Variants in FHIP1B observed in about 807,000 individuals in gnomAD.
FHIP1B encodes the protein FHF complex subunit HOOK-interacting protein 1B.
Under a neutral mutation model 82.2 loss-of-function variants are expected in FHIP1B, and 28 were observed. The ratio of observed to expected loss-of-function variants is 0.34; its 90% CI spans 0.25 to 0.47. The LOEUF (loss-of-function observed/expected upper bound fraction) is 0.47. Ranked by LOEUF, FHIP1B falls within the 20% of genes least tolerant of loss-of-function variation. FHIP1B has a pLI of 1.00. For synonymous variants in FHIP1B, 585 were observed against 516.1 expected (o/e 1.13, Z -1.81); for missense variants, 1,110 against 1,262.6 (o/e 0.88, Z 1.83).
chr11:6,218,288 T>C (rs1023234935), intron 8 of FHIP1B, 138 bp from the exon 9 acceptor site: 12 of 1,271,118 alleles, frequency 9.4e-6, no homozygotes, highest in Admixed American at 2.8e-5. Context: ...CTCTCCAACC[T>C]CCTAATTAAC....
At chr11:6,220,787 A>G (rs933006619) in intron 6 of FHIP1B, among the ~76,000 whole-genome samples, 2 of 152,242 alleles carry the variant, frequency 1.3e-5, no homozygotes, top group Non-Finnish European at 2.9e-5. Context: ...AAGTTAGGAT[A>G]AGACAAAAGG....
rs1847285456 is a variant in FHIP1B at position 6,217,830 on chromosome 11, T to C, written c.1756A>G (p.Ser586Gly). 1.9e-6 allele frequency: 3 copies of C among 1,613,476 alleles called. 1 individual carries two copies. In the South Asian group the frequency reaches 3.3e-5, roughly 18 times the overall value. ...YDGERPSPEP[S>G]PFGSRTKKRS... ...TTCTTAGTCCGGGAGCCAAAAGGACTGGGCTCAGGAGAGGGCCGCTCGCCA... is the reference window on the plus strand; with the variant it reads ...TTCTTAGTCCGGGAGCCAAAAGGACCGGGCTCAGGAGAGGGCCGCTCGCCA... Residue 586 changes from serine to glycine, a missense_variant, in exon 9 of 12, where the codon AGT (serine) becomes GGT (glycine). By Grantham distance (56) the Ser-to-Gly change is moderately conservative. Around this residue, in one of 6 missense-constraint regions of FHIP1B, gnomAD observed 418 missense variants for 371.4 expected, o/e 1.13. Coordinates refer to ENST00000449352, the MANE Select transcript of FHIP1B (RefSeq NM_001098794.2).
chr11:6,220,194 G>A (rs537116123), intron 6 of FHIP1B, among the ~76,000 whole-genome samples: 1 of 152,246 alleles, frequency 6.6e-6, no homozygotes, highest in South Asian at 2.1e-4. Context: ...ATGGATGAAG[G>A]GGGGCCATGA....
Position 6,217,517 on chromosome 11 carries a change from G to A in FHIP1B, c.2069C>T (p.Thr690Ile), listed in dbSNP as rs1168020663. Reference sequence around the variant, plus strand: ...AGGTTCTAAGGGGGACTCTGAGCCAGTTCCCCCATTGCTCAATGCCACCTC... The same window carrying A: ...AGGTTCTAAGGGGGACTCTGAGCCAATTCCCCCATTGCTCAATGCCACCTC... ...ELEVALSNGG[T>I]GSESPLEPPL... is the part of the protein sequence containing the mutation. Residue 690 changes from threonine to isoleucine, a missense_variant, in exon 9 of 12, where the codon ACT (threonine) becomes ATT (isoleucine). This residue lies in a region of FHIP1B where 418 missense variants were observed against 371.4 expected (regional missense o/e 1.13). Transcript: ENST00000449352. 6.2e-7 allele frequency: 1 copy of A among 1,611,954 alleles called. No homozygotes were observed. The highest frequency in any genetic ancestry group is 8.5e-7 in the Non-Finnish European group (1 of 1,178,680).
At chr11:6,214,158 C>T (rs1458848063) in intron 11 of FHIP1B, among the ~76,000 whole-genome samples, 2 of 151,670 alleles carry the variant, frequency 1.3e-5, no homozygotes, top group Non-Finnish European at 2.9e-5. Flanking sequence ...ATATCGCAAC[C>T]TAGAGACTAC....
At position 6,224,555 on chromosome 11, in the gene FHIP1B, C is replaced by G. The variant is rs761473704; in HGVS notation, c.-39G>C. 1.8e-5 allele frequency: 28 copies of G among 1,556,716 alleles called. No homozygotes were observed. The Middle Eastern group carries it at 1.4e-3, about 75-fold the overall frequency. On this transcript the variant is annotated 5_prime_UTR_variant, in exon 2 of 12. Transcript: ENST00000449352. ...CAGGACTGGCAGCCAGAGGCCTACA[C>G]TCTGAGGATTTGCCAGCTGGAGGTT...
In FHIP1B at chr11:6,223,075, C is replaced by G; in HGVS notation, c.936+5G>C. ...AATGACCAAGGGCCAGACTTTCAGT[C>G]CTACCTGAATTACTGCATTGCAGAA... On this transcript the variant is annotated splice_donor_5th_base_variant and intron_variant, in intron 4 of 11. Transcript: ENST00000449352. This position sits in a 1 kb window ranked among gnomAD's most constrained non-coding sequence, Gnocchi z 4.8. The G allele has an allele frequency of 3.8e-6, 6 of 1,577,730 alleles. No homozygotes were observed. Among genetic ancestry groups the G allele is most frequent in the Non-Finnish European group, 5.2e-6 (6 of 1,163,516 alleles).
Position 6,211,356 on chromosome 11 carries a change from C to T in FHIP1B, c.*150G>A. 8.4e-7 allele frequency: 1 copy of T among 1,194,918 alleles called. No individual in the cohort carries two copies. The highest frequency in any genetic ancestry group is 1.7e-5 in the South Asian group (1 of 59,750). 74.0% of individuals were successfully genotyped at this position (1,194,918 alleles called of 1,614,324 possible). ...AAATGAGCACAGAATAGAGATTTCC[C>T]TTTTATACATATTGCAACAAGTTCT... is the stretch of plus-strand genomic sequence containing the variant. On this transcript the variant is annotated 3_prime_UTR_variant, in exon 12 of 12. Transcript: ENST00000449352.
chr11:6,214,708 A>G, intron 10 of FHIP1B, 25 bp downstream of exon 10: 1 of 1,551,322 alleles, frequency 6.4e-7, no homozygotes, highest in African/African-American at 1.4e-5. Context: ...GCCTGGACGC[A>G]CCCATGCATG....
At chr11:6,219,312 T>G (rs2133808592) in intron 6 of FHIP1B, among the ~76,000 whole-genome samples, 1 of 152,350 alleles carries the variant, frequency 6.6e-6, no homozygotes, top group East Asian at 1.9e-4. Flanking sequence ...TCTCTAGCTA[T>G]ATATACCTGG....
At chr11:6,224,817 C>T in intron 1 of FHIP1B, 110 bp from the exon 2 acceptor site, 1 of 314,058 alleles carries the variant, frequency 3.2e-6, no homozygotes. Context: ...TACACACATA[C>T]ACACAATCAG....
In FHIP1B at chr11:6,218,110, T is replaced by C; in HGVS notation, c.1476A>G (p.Thr492=). The part of the protein sequence containing the change: ...SPSVDSSSVT[T]VPRPSTPSRL... ...GAGATGGTGTGGAGGGCCGGGGTAC[T>C]GTCGTCACAGAAGAGGAGTCCACAC... The change falls in exon 9 of 12, where the codon ACA becomes ACG. Residue 492 remains threonine, a synonymous_variant. Coordinates refer to ENST00000449352, the MANE Select transcript of FHIP1B (RefSeq NM_001098794.2). The C allele has an allele frequency of 6.2e-7, 1 of 1,613,098 alleles. No homozygotes were observed. Among genetic ancestry groups the C allele is most frequent in the Non-Finnish European group, 8.5e-7 (1 of 1,179,416 alleles).
intron 6 of FHIP1B, among the ~76,000 whole-genome samples, chr11:6,219,557 C>A (rs1847348215): frequency 6.6e-6 from 1 of 152,168 alleles, no homozygotes; most frequent in African/African-American, 2.4e-5. Context: ...TCTGAGTCAC[C>A]TCTCTAACAC....
At chr11:6,212,164 G>C (rs770724834) in intron 11 of FHIP1B, among the ~76,000 whole-genome samples, 1 of 152,118 alleles carries the variant, frequency 6.6e-6, no homozygotes, top group Non-Finnish European at 1.5e-5. Flanking sequence ...ATCCTTCTCA[G>C]TCTTAATCAA....
chr11:6,217,892 C>T lies in FHIP1B; in HGVS notation c.1694G>A (p.Cys565Tyr). 6.2e-7 allele frequency: 1 copy of T among 1,613,230 alleles called. No individual in the cohort carries two copies. Among genetic ancestry groups the T allele is most frequent in the Non-Finnish European group, 8.5e-7 (1 of 1,180,014 alleles). ...AGACCAGGTACGGCAGGCTCGGACACAGCGGTCCACACCACGACGTGCCTC... is the reference window on the plus strand; with the variant it reads ...AGACCAGGTACGGCAGGCTCGGACATAGCGGTCCACACCACGACGTGCCTC... ...LREARRGVDR[C>Y]VRACRTWSAP... The change falls in exon 9 of 12, where the codon TGT (cysteine) becomes TAT (tyrosine). Residue 565 changes from cysteine (C) to tyrosine (Y), a missense_variant. This residue lies in a region of FHIP1B where 418 missense variants were observed against 371.4 expected (regional missense o/e 1.13). Coordinates refer to ENST00000449352, the MANE Select transcript of FHIP1B (RefSeq NM_001098794.2).
In FHIP1B at chr11:6,224,118, G is replaced by C. The variant is rs774658373; in HGVS notation, c.269C>G (p.Pro90Arg). 3 of 1,613,930 alleles carry C rather than the reference G, an allele frequency of 1.9e-6. No homozygotes were observed. Among genetic ancestry groups the C allele is most frequent in the African/African-American group, 2.7e-5 (2 of 74,916 alleles). ...CTCCAGCAGGGGCCCAGGGCCTGTGGGGGCCGAGGGAACTGCACGGTCCTC... is the reference window on the plus strand; with the variant it reads ...CTCCAGCAGGGGCCCAGGGCCTGTGCGGGCCGAGGGAACTGCACGGTCCTC... The part of the protein sequence containing the change: ...LAEDRAVPSA[P>R]TGPGPLLEFA... Residue 90 changes from proline (P) to arginine (R), a missense_variant, in exon 3 of 12, where the codon CCC becomes CGC. By Grantham distance (103) the Pro-to-Arg change is moderately radical. Transcript: ENST00000449352.
At chr11:6,232,636 A>G (rs1847726606) in intron 1 of FHIP1B, among the ~76,000 whole-genome samples, 1 of 152,218 alleles carries the variant, frequency 6.6e-6, no homozygotes, top group African/African-American at 2.4e-5. Flanking sequence ...CAAGGTATCT[A>G]TATAAATCAG....
chr11:6,212,288 CCT>C (rs1847094358), intron 11 of FHIP1B, among the ~76,000 whole-genome samples: 1 of 152,200 alleles, frequency 6.6e-6, no homozygotes, highest in Non-Finnish European at 1.5e-5. Context: ...AGCTATTTCT[CCT>C]CTGTCTATAG....
chr11:6,233,734 G>A (rs1847763223), intron 1 of FHIP1B, among the ~76,000 whole-genome samples: 1 of 152,110 alleles, frequency 6.6e-6, no homozygotes, highest in African/African-American at 2.4e-5. Context: ...TCCAATCAAA[G>A]ACCCACAGTT....
Sources: allele counts gnomAD v4.1 joint callset (sites outside exome capture counted in the v4.1 genomes callset), GRCh38; gene constraint gnomAD v4.1.1; regional missense constraint gnomAD v4.1.1; non-coding constraint Gnocchi (gnomAD v3.1); transcripts MANE v1.5; gene names NCBI Gene and HGNC (gene_info 2026-07-23, HGNC 2026-07-21).